The following ZDHHC13 variants were observed in gnomAD, a reference collection of about 807,000 sequenced individuals.
The protein encoded by ZDHHC13 is zDHHC palmitoyltransferase 13, also known as palmitoyltransferase ZDHHC13.
In ZDHHC13, 85 loss-of-function variants were observed where a neutral mutation model predicts 86.0. That is an observed-to-expected ratio of 0.99 (90% CI 0.83 to 1.18). The LOEUF (loss-of-function observed/expected upper bound fraction) is 1.18, where lower values mean the gene tolerates loss of function less well. Among genes scored for constraint, ZDHHC13 ranks in the 50% most tolerant of loss-of-function variants. The pLI, the probability that ZDHHC13 is intolerant of heterozygous loss-of-function variation, is 0.00. For synonymous variants in ZDHHC13, 263 were observed against 246.4 expected (o/e 1.07, Z -0.63); for missense variants, 711 against 730.2 (o/e 0.97, Z 0.30).
rs1039349124 is a variant in ZDHHC13, at chr11:19,165,109, T to C, written c.1354T>C (p.Tyr452His). 2 of 1,612,894 alleles carry C rather than the reference T, an allele frequency of 1.2e-6. No individual in the cohort carries two copies. Among genetic ancestry groups the C allele is most frequent in the Admixed American group, 3.3e-5 (2 of 59,856 alleles). Residue 452 changes from tyrosine (Y) to histidine (H), a missense_variant, in exon 13 of 17, where the codon TAT becomes CAT. Coordinates refer to ENST00000446113, the MANE Select transcript of ZDHHC13 (RefSeq NM_019028.3). ...CHVCNCCVARYDQHCLWTGRC... is the reference protein window; with the variant it reads ...CHVCNCCVARHDQHCLWTGRC... ...TGTATGCAACTGCTGTGTGGCTCGA[T>C]ATGATCAACACTGCCTGTGGACTGG...
intron 8 of ZDHHC13, among the ~76,000 whole-genome samples, chr11:19,153,592 C>A (rs972446535): frequency 6.6e-6 from 1 of 152,164 alleles, no homozygotes; most frequent in Non-Finnish European, 1.5e-5. Flanking sequence ...ACTTCTCCCC[C>A]ATCTCTTGTT....
rs778265675 is a variant in ZDHHC13, at chr11:19,165,094, T to A, written c.1339T>A (p.Cys447Ser). Residue 447 changes from cysteine (C) to serine (S), a missense_variant, in exon 13 of 17, where the codon TGC becomes AGC. Physicochemically the swap from Cys to Ser is moderately radical, Grantham distance 112. Coordinates refer to ENST00000446113, the MANE Select transcript of ZDHHC13 (RefSeq NM_019028.3). ...LRSLHCHVCN[C>S]CVARYDQHCL... The stretch of plus-strand genomic sequence containing the variant: ...GTCACTCCACTGCCATGTATGCAAC[T>A]GCTGTGTGGCTCGATATGATCAACA... 1.1e-5 allele frequency: 17 copies of A among 1,613,046 alleles called. No homozygotes were observed. Among genetic ancestry groups the A allele is most frequent in the Non-Finnish European group, 1.4e-5 (17 of 1,179,512 alleles).
intron 11 of ZDHHC13, among the ~76,000 whole-genome samples, chr11:19,163,756 T>TA (rs1371933526): frequency 6.6e-6 from 1 of 152,176 alleles, no homozygotes; most frequent in Non-Finnish European, 1.5e-5. Flanking sequence ...GGAGAGTAAC[T>TA]AGTCAGTGAC....
At chr11:19,126,427 C>T (rs926978157) in intron 1 of ZDHHC13, among the ~76,000 whole-genome samples, 10 of 148,214 alleles carry the variant, frequency 6.7e-5, no homozygotes, top group African/African-American at 2.5e-4. Context: ...ACCTCTGCCT[C>T]CCAGGTTCAA....
intron 10 of ZDHHC13, among the ~76,000 whole-genome samples, chr11:19,160,252 A>G (rs1849873350): frequency 6.6e-6 from 1 of 151,966 alleles, no homozygotes; most frequent in African/African-American, 2.4e-5. Context: ...ATGGCACAGC[A>G]TACATTGGGG....
At chr11:19,165,775 T>C (rs1485460754) in intron 13 of ZDHHC13, among the ~76,000 whole-genome samples, 1 of 152,218 alleles carries the variant, frequency 6.6e-6, no homozygotes, top group Non-Finnish European at 1.5e-5. Context: ...TCAGAGGTGG[T>C]GCTTTTACAA....
At chr11:19,164,415 C>G in intron 12 of ZDHHC13, 52 bp downstream of exon 12, 1 of 1,541,984 alleles carries the variant, frequency 6.5e-7, no homozygotes, top group South Asian at 1.1e-5. Context: ...GTCTTGGTAA[C>G]GTTGCTGATG....
rs1472186695 is a variant in ZDHHC13, at chr11:19,146,228, A to G, written c.221A>G (p.Asp74Gly). The part of the protein sequence containing the change: ...RCKELVEAGY[D>G]VRQPDKENVS... ...AAAGAGTTGGTAGAAGCAGGATATGATGTCAGGCAACCAGATAAAGAAAAT... is the reference window on the plus strand; with the variant it reads ...AAAGAGTTGGTAGAAGCAGGATATGGTGTCAGGCAACCAGATAAAGAAAAT... The change falls in exon 3 of 17, where the codon GAT (aspartate) becomes GGT (glycine). Residue 74 changes from aspartate to glycine, a missense_variant. Physicochemically the swap from Asp to Gly is moderately conservative, Grantham distance 94. Transcript: ENST00000446113. 2 of 1,612,074 alleles carry G rather than the reference A, an allele frequency of 1.2e-6. No homozygotes were observed. Among genetic ancestry groups the G allele is most frequent in the Admixed American group, 1.7e-5 (1 of 59,772 alleles).
In ZDHHC13 at chr11:19,143,058, C is replaced by G. The variant is rs199613321; in HGVS notation, c.108C>G (p.Ala36=). Residue 36 remains alanine (A), a synonymous_variant, in exon 2 of 17, where the codon GCC becomes GCG. Coordinates refer to ENST00000446113, the MANE Select transcript of ZDHHC13 (RefSeq NM_019028.3). ...GTGCACATGAAAACAAAGAACTTGC[C>G]AATGCAAGAGAAGCTCTTCCTCTTA... is the stretch of plus-strand genomic sequence containing the variant. ...GICAHENKEL[A]NAREALPLIE... 5.0e-5 allele frequency: 80 copies of G among 1,613,032 alleles called. No homozygotes were observed. Among genetic ancestry groups the G allele is most frequent in the Non-Finnish European group, 6.2e-5 (73 of 1,179,556 alleles).
chr11:19,162,164 A>G (rs1849929141), intron 10 of ZDHHC13, among the ~76,000 whole-genome samples: 1 of 152,158 alleles, frequency 6.6e-6, no homozygotes, highest in South Asian at 2.1e-4. Flanking sequence ...ACTCAGTAAA[A>G]ATGTATTGAA....
At chr11:19,175,707 C>T (rs1431496704) in intron 16 of ZDHHC13, 115 bp from the exon 17 acceptor site, 2 of 1,270,790 alleles carry the variant, frequency 1.6e-6, no homozygotes, top group African/African-American at 3.1e-5. Flanking sequence ...CCATCTACCC[C>T]TGGATTTCTG....
chr11:19,163,553 A>G, intron 11 of ZDHHC13, 126 bp downstream of exon 11: 1 of 1,003,518 alleles, frequency 1.0e-6, no homozygotes, highest in Middle Eastern at 3.6e-4. Flanking sequence ...ATATAGCAAA[A>G]ATTAGATTTC....
intron 4 of ZDHHC13, 44 bp from the exon 5 acceptor site, chr11:19,149,142 CT>C (rs1375381321): frequency 1.3e-5 from 19 of 1,415,802 alleles, no homozygotes; most frequent in Non-Finnish European, 1.8e-5. Context: ...TGACTTTTTG[CT>C]TTTTCTGCAT....
chr11:19,118,489 A>G (rs1205704643), intron 1 of ZDHHC13, among the ~76,000 whole-genome samples: 1 of 151,286 alleles, frequency 6.6e-6, no homozygotes, highest in East Asian at 1.9e-4. Context: ...TCTTTTTCTC[A>G]GAGAGGCTCA....
Position 19,170,535 on chromosome 11 carries a change from G to T in ZDHHC13, c.1599G>T (p.Trp533Cys), listed in dbSNP as rs1244606150. The T allele has an allele frequency of 6.5e-7, 1 of 1,528,044 alleles. No homozygotes were observed. Among genetic ancestry groups the T allele is most frequent in the South Asian group, 1.3e-5 (1 of 78,350 alleles). The allele number at this position is 1,528,044 out of a possible 1,614,324, so 94.7% of individuals were successfully genotyped here. The change falls in exon 15 of 17, where the codon TGG (tryptophan) becomes TGT (cysteine). Residue 533 changes from tryptophan to cysteine, a missense_variant. Coordinates refer to ENST00000446113, the MANE Select transcript of ZDHHC13 (RefSeq NM_019028.3). ...TGCTAGCAACTTTCCATTTCTCATG[G>T]TCAACATTTTTATTATTAAATCAAC... ...ILMLATFHFS[W>C]STFLLLNQLF...
intron 10 of ZDHHC13, among the ~76,000 whole-genome samples, chr11:19,160,769 TG>T (rs1849888126): frequency 6.6e-6 from 1 of 151,970 alleles, no homozygotes; most frequent in South Asian, 2.1e-4. Context: ...GACTTGGTCC[TG>T]GGCCCTGATC....
intron 1 of ZDHHC13, among the ~76,000 whole-genome samples, chr11:19,124,754 CGT>C (rs1031520653): frequency 2.0e-5 from 3 of 150,886 alleles, no homozygotes; most frequent in African/African-American, 4.8e-5. Flanking sequence ...TGTGATTCTG[CGT>C]GTGTGTGGGG....
intron 10 of ZDHHC13, among the ~76,000 whole-genome samples, chr11:19,161,504 AG>A: frequency 6.6e-6 from 1 of 152,000 alleles, no homozygotes; most frequent in East Asian, 1.9e-4. Flanking sequence ...ACTAATTTCA[AG>A]GGCAATTCTA....
chr11:19,163,475 T>C, intron 11 of ZDHHC13, 48 bp downstream of exon 11: 3 of 1,527,552 alleles, frequency 2.0e-6, no homozygotes, highest in Non-Finnish European at 2.6e-6. Context: ...GTTTGTAAAC[T>C]TTAGAAAGTT....
Sources: gnomAD v4.1 joint callset for allele counts (sites outside exome capture counted in the v4.1 genomes callset) on GRCh38, gnomAD v4.1.1 for gene constraint, MANE v1.5 for transcripts, NCBI Gene and HGNC (gene_info 2026-07-23, HGNC 2026-07-21) for gene names.